The following SLC39A11 variants were observed in gnomAD, a reference collection of about 807,000 sequenced individuals.
The protein encoded by SLC39A11 is solute carrier family 39 member 11, also known as zinc transporter ZIP11.
A neutral mutation model predicts 36.1 loss-of-function variants in SLC39A11; 33 were observed. The observed-to-expected ratio is 0.91, with a 90% CI of 0.69 to 1.22. The LOEUF is 1.22. SLC39A11 is among the 50% of genes most tolerant of loss of function. The probability of loss-of-function intolerance (pLI) is 0.00; values close to 1 mark genes in which losing one functional copy is unlikely to be tolerated. For synonymous variants in SLC39A11, 166 were observed against 170.3 expected, an observed-to-expected ratio of 0.97 and a Z score of 0.20; for missense variants, 432 against 430.3, an observed-to-expected ratio of 1.00 and a Z score of -0.03.
intron 5 of SLC39A11, among the ~76,000 whole-genome samples, chr17:72,931,198 G>A (rs1272866403): frequency 4.6e-5 from 7 of 152,180 alleles, no homozygotes; most frequent in African/African-American, 1.7e-4. Context: ...GCAAAGGAGT[G>A]AGTGAAAGAG....
intron 5 of SLC39A11, among the ~76,000 whole-genome samples, chr17:72,944,387 G>C (rs949042763): frequency 7.2e-5 from 11 of 152,248 alleles, no homozygotes; most frequent in Non-Finnish European, 1.3e-4. Flanking sequence ...GCCTACAGAG[G>C]ATGCTATGAA....
chr17:72,919,148 G>A (rs551664367), intron 5 of SLC39A11, among the ~76,000 whole-genome samples: 4 of 152,204 alleles, frequency 2.6e-5, no homozygotes, highest in South Asian at 2.1e-4. Context: ...GCCTCTCCAC[G>A]TGATTCATTC....
chr17:73,013,348 A>G (rs549546209), intron 4 of SLC39A11, among the ~76,000 whole-genome samples: 1 of 152,228 alleles, frequency 6.6e-6, no homozygotes, highest in Non-Finnish European at 1.5e-5. Context: ...TCAGCCTCCC[A>G]AAGTGTGAGG....
chr17:72,926,876 G>A (rs887842369), intron 5 of SLC39A11, among the ~76,000 whole-genome samples: 8 of 152,064 alleles, frequency 5.3e-5, no homozygotes, highest in Non-Finnish European at 5.9e-5. Flanking sequence ...ATCAAGCTGA[G>A]GTGAGAAGCA....
At chr17:72,679,564 G>A (rs1371227061) in intron 7 of SLC39A11, among the ~76,000 whole-genome samples, 8 of 152,166 alleles carry the variant, frequency 5.3e-5, no homozygotes, top group Non-Finnish European at 1.2e-4. Flanking sequence ...CCCACCTCGG[G>A]CTTCTTCAAG....
chr17:72,860,621 G>A (rs917433511), intron 5 of SLC39A11, among the ~76,000 whole-genome samples: 5 of 152,096 alleles, frequency 3.3e-5, no homozygotes, highest in African/African-American at 1.2e-4. Flanking sequence ...GGAGACAAGC[G>A]AAAAACCCGT....
rs376087262 is a variant in SLC39A11, at chr17:73,042,607, C to T, written c.148-10893G>A. Among the ~76,000 whole-genome samples, 84 of 152,270 alleles carry T rather than the reference C, an allele frequency of 5.5e-4. 2 individuals are homozygous for T. In the South Asian group the frequency reaches 0.017, roughly 30 times the overall value. On this transcript the variant is annotated intron_variant, in intron 3 of 9. Transcript: ENST00000255559. The stretch of plus-strand genomic sequence containing the variant: ...CCTGAGGTCAGGAGTTCGAGACCAG[C>T]ATGGCCAACGTGGTGAAACCCCATC...
intron 7 of SLC39A11, among the ~76,000 whole-genome samples, chr17:72,705,986 T>C (rs946884856): frequency 2.0e-5 from 3 of 152,184 alleles, no homozygotes; most frequent in African/African-American, 4.8e-5. Flanking sequence ...CAGAAAACTT[T>C]CAGCTATTTT....
intron 6 of SLC39A11, chr17:72,838,247 G>C (rs78732585): frequency 3.9e-6 from 1 of 257,800 alleles, no homozygotes; most frequent in South Asian, 2.2e-4. Context: ...TTTTTTTTTT[G>C]AGACAAGGTC....
At chr17:72,986,728 A>G (rs923347182) in intron 4 of SLC39A11, among the ~76,000 whole-genome samples, 1 of 152,182 alleles carries the variant, frequency 6.6e-6, no homozygotes, top group Non-Finnish European at 1.5e-5. Flanking sequence ...TAGATTGGAT[A>G]TAAGACATAA....
chr17:72,855,000 C>T (rs779120952), intron 5 of SLC39A11, among the ~76,000 whole-genome samples: 2 of 152,192 alleles, frequency 1.3e-5, no homozygotes, highest in Non-Finnish European at 2.9e-5. Context: ...ATCAGCAAAC[C>T]CTGCTGCCCA....
intron 7 of SLC39A11, among the ~76,000 whole-genome samples, chr17:72,692,214 C>T (rs1177546386): frequency 3.3e-5 from 5 of 151,426 alleles, no homozygotes; most frequent in Non-Finnish European, 7.4e-5. Context: ...GGTTTCACCA[C>T]ATTAGCCAGG....
At chr17:73,012,029 C>G (rs979371541) in intron 4 of SLC39A11, among the ~76,000 whole-genome samples, 5 of 150,328 alleles carry the variant, frequency 3.3e-5, no homozygotes, top group African/African-American at 1.2e-4. Flanking sequence ...AATCCCAGCT[C>G]TTTGGGAGGC....
chr17:72,903,897 A>G (rs1362031535), intron 5 of SLC39A11, among the ~76,000 whole-genome samples: 1 of 152,158 alleles, frequency 6.6e-6, no homozygotes, highest in Non-Finnish European at 1.5e-5. Flanking sequence ...TGCTATATGC[A>G]TAACAGGAGC....
chr17:73,005,900 G>A lies in SLC39A11; in HGVS notation c.306+25656C>T, dbSNP rs537761836. On this transcript the variant is annotated intron_variant, in intron 4 of 9. Coordinates refer to ENST00000255559, the MANE Select transcript of SLC39A11 (RefSeq NM_139177.4). The stretch of plus-strand genomic sequence containing the variant: ...TGGGAGGTGGAGGTTGCAGTGAGCC[G>A]AGATCACACCACTGCACTCCAGCCT... 5.9e-5 allele frequency among the ~76,000 whole-genome samples: 9 copies of A among 151,566 alleles called. No individual in the cohort carries two copies. The East Asian group carries it at 9.8e-4, about 16-fold the overall frequency.
intron 4 of SLC39A11, among the ~76,000 whole-genome samples, chr17:72,960,781 T>TGCCA (rs951382153): frequency 6.6e-6 from 1 of 151,750 alleles, no homozygotes; most frequent in Non-Finnish European, 1.5e-5. Flanking sequence ...ACTGTACTCC[T>TGCCA]GCCAAGCAAC....
At chr17:72,925,769 A>G (rs2084013692) in intron 5 of SLC39A11, among the ~76,000 whole-genome samples, 2 of 152,194 alleles carry the variant, frequency 1.3e-5, no homozygotes, top group African/African-American at 2.4e-5. Context: ...GTTTCCACCA[A>G]TTCTCTAATT....
chr17:72,929,648 T>G (rs563981830), intron 5 of SLC39A11, among the ~76,000 whole-genome samples: 1 of 152,328 alleles, frequency 6.6e-6, no homozygotes, highest in South Asian at 2.1e-4. Flanking sequence ...CAAATTTTTT[T>G]TCTTAAAGGG....
intron 6 of SLC39A11, among the ~76,000 whole-genome samples, chr17:72,791,006 C>T (rs1196593455): frequency 6.6e-6 from 1 of 152,206 alleles, no homozygotes; most frequent in Non-Finnish European, 1.5e-5. Flanking sequence ...TACACGAATC[C>T]AGTGGTTCTC....
Sources: allele counts gnomAD v4.1 joint callset (sites outside exome capture counted in the v4.1 genomes callset), GRCh38; gene constraint gnomAD v4.1.1; transcripts MANE v1.5; gene names NCBI Gene and HGNC (gene_info 2026-07-23, HGNC 2026-07-21).